The following SETX variants were observed in gnomAD, a reference collection of about 807,000 sequenced individuals.
The protein encoded by SETX is helicase senataxin.
SETX carries 90 observed loss-of-function variants against 227.2 expected under a neutral mutation model. The ratio of observed to expected loss-of-function variants is 0.40; its 90% confidence interval spans 0.33 to 0.47. The LOEUF is 0.47. Among genes scored for constraint, SETX ranks in the 20% least tolerant of loss-of-function variants. The probability of loss-of-function intolerance (pLI) is 0.91; values close to 1 mark genes in which losing one functional copy is unlikely to be tolerated. For missense variants in SETX, 3,052 were observed against 3,181.5 expected, an observed-to-expected ratio of 0.96 and a Z score of 0.98; for synonymous variants, 1,210 against 1,113.2, an observed-to-expected ratio of 1.09 and a Z score of -1.73.
chr9:132,269,672 G>A lies in SETX; in HGVS notation c.7230C>T (p.Val2410=), dbSNP rs1271815487. 2 of 1,614,080 alleles carry A rather than the reference G, an allele frequency of 1.2e-6. No individual in the cohort carries two copies. Among genetic ancestry groups the A allele is most frequent in the Non-Finnish European group, 1.7e-6 (2 of 1,180,026 alleles). ...GGCTGTACTTGGCTCGTGTGATGGTGACATTCAATCTCTGCAAACTTGCCA... is the reference window on the plus strand; with the variant it reads ...GGCTGTACTTGGCTCGTGTGATGGTAACATTCAATCTCTGCAAACTTGCCA... ...GFLASLQRLN[V]TITRAKYSLF... Residue 2410 remains valine, a synonymous_variant, in exon 25 of 26, where the codon GTC becomes GTT. Coordinates refer to ENST00000224140, the MANE Select transcript of SETX (RefSeq NM_015046.7).
At chr9:132,291,579 A>G (rs886587920) in intron 15 of SETX, among the ~76,000 whole-genome samples, 4 of 152,168 alleles carry the variant, frequency 2.6e-5, no homozygotes, top group African/African-American at 9.7e-5. Flanking sequence ...GATATCCTTT[A>G]CACTGCTGGG....
intron 11 of SETX, 122 bp from the exon 12 acceptor site, chr9:132,300,925 G>A: frequency 1.3e-6 from 1 of 752,416 alleles, no homozygotes; most frequent in Non-Finnish European, 2.1e-6. Context: ...AAAGGACTCT[G>A]CATATACTTT....
chr9:132,331,150 A>G lies in SETX; in HGVS notation c.1011-11T>C. On this transcript the variant is annotated splice_polypyrimidine_tract_variant and intron_variant, in intron 8 of 25. Coordinates refer to ENST00000224140, the MANE Select transcript of SETX (RefSeq NM_015046.7). The stretch of plus-strand genomic sequence containing the variant: ...GGTTCTAACTTGGTCCTTAAATATT[A>G]AGAATAAATAGAAATTACTGAAACG... 3 of 1,611,194 alleles carry G rather than the reference A, an allele frequency of 1.9e-6. No individual in the cohort carries two copies. The highest frequency in any genetic ancestry group is 2.5e-6 in the Non-Finnish European group (3 of 1,177,524).
chr9:132,348,371 A>AAC (rs1554825823), intron 3 of SETX, among the ~76,000 whole-genome samples: 2 of 22,362 alleles, frequency 8.9e-5, no homozygotes, highest in Non-Finnish European at 1.9e-4. Context: ...TCAAAAAAAA[A>AAC]ACAAAACAAA....
At chr9:132,273,495 G>A (rs944203513) in intron 23 of SETX, among the ~76,000 whole-genome samples, 3 of 152,178 alleles carry the variant, frequency 2.0e-5, no homozygotes, top group Non-Finnish European at 4.4e-5. Flanking sequence ...TTTCAACAAC[G>A]TTTTGCAGTT....
rs377114184 is a variant in SETX at position 132,273,202 on chromosome 9, G to A, written c.7101-1394C>T. On this transcript the variant is annotated intron_variant, in intron 23 of 25. Transcript: ENST00000224140. ...TTTGAGATGGAATTTCGCTCTCGTC[G>A]CCCAGGCTGGAGTGCAATGGAGTGA... is the stretch of plus-strand genomic sequence containing the variant. 6.6e-5 allele frequency among the ~76,000 whole-genome samples: 10 copies of A among 151,736 alleles called. No homozygotes were observed. The East Asian group carries it at 1.2e-3, about 18-fold the overall frequency.
chr9:132,342,855 C>T, intron 4 of SETX, 56 bp from the exon 5 acceptor site: 1 of 1,246,304 alleles, frequency 8.0e-7, no homozygotes, highest in South Asian at 1.2e-5. Context: ...TCAAGATTCC[C>T]TAAATTAGGC....
At chr9:132,292,669 A>G (rs11243715) in intron 15 of SETX, among the ~76,000 whole-genome samples, 9,174 of 138,190 alleles carry the variant, frequency 0.066, 439 homozygotes, top group East Asian at 0.26. Context: ...TCGCTCTGTC[A>G]CCCAGGCTGG....
chr9:132,317,715 T>C (rs1024372294), intron 10 of SETX, among the ~76,000 whole-genome samples: 1 of 152,118 alleles, frequency 6.6e-6, no homozygotes, highest in Non-Finnish European at 1.5e-5. Flanking sequence ...CTCTGGCCTC[T>C]GCCTCCCAAA....
intron 5 of SETX, among the ~76,000 whole-genome samples, 169 bp downstream of exon 5, chr9:132,342,521 C>G (rs999258753): frequency 6.6e-6 from 1 of 152,178 alleles, no homozygotes; most frequent in Non-Finnish European, 1.5e-5. Context: ...CCTCTGAGAT[C>G]CCCTCTTCTT....
At position 132,326,617 on chromosome 9, in the gene SETX, G is replaced by A; in HGVS notation, c.4981C>T (p.Pro1661Ser). 2 of 1,614,104 alleles carry A rather than the reference G, an allele frequency of 1.2e-6. No individual in the cohort carries two copies. The highest frequency in any genetic ancestry group is 1.7e-6 in the Non-Finnish European group (2 of 1,179,986). The change falls in exon 10 of 26, where the codon CCT (proline) becomes TCT (serine). Residue 1661 changes from proline (P) to serine (S), a missense_variant. By Grantham distance (74) the Pro-to-Ser change is moderately conservative. Transcript: ENST00000224140. ...CTGTTGGAATTATTCGGAGACTGAGGATGAAGAACATTGCACGAATTCTTC... is the reference window on the plus strand; with the variant it reads ...CTGTTGGAATTATTCGGAGACTGAGAATGAAGAACATTGCACGAATTCTTC... The part of the protein sequence containing the change: ...EMKNSCNVLH[P>S]QSPNNSNRQG...
At chr9:132,352,042 A>G (rs1198398537) in intron 2 of SETX, among the ~76,000 whole-genome samples, 2 of 152,238 alleles carry the variant, frequency 1.3e-5, no homozygotes, top group Non-Finnish European at 2.9e-5. Flanking sequence ...ACTTCAAATA[A>G]CAATCTCTTT....
chr9:132,333,739 AT>A (rs1847414934), intron 7 of SETX, among the ~76,000 whole-genome samples: 1 of 152,130 alleles, frequency 6.6e-6, no homozygotes, highest in South Asian at 2.1e-4. Context: ...TTTAGGCCTC[AT>A]TATCTAGACT....
At chr9:132,289,915 A>T (rs1844188841) in intron 15 of SETX, among the ~76,000 whole-genome samples, 1 of 152,104 alleles carries the variant, frequency 6.6e-6, no homozygotes, top group South Asian at 2.1e-4. Flanking sequence ...GGTTTTTTAA[A>T]ATCTTTTTTC....
chr9:132,321,010 A>T (rs1462590595), intron 10 of SETX, among the ~76,000 whole-genome samples: 1 of 151,822 alleles, frequency 6.6e-6, no homozygotes, highest in Non-Finnish European at 1.5e-5. Flanking sequence ...TTGTCTCTAG[A>T]GAGGATAAGC....
intron 11 of SETX, 75 bp downstream of exon 11, chr9:132,311,682 T>C: frequency 9.2e-7 from 1 of 1,091,646 alleles, no homozygotes; most frequent in Non-Finnish European, 1.4e-6. Flanking sequence ...TAAATTCAAA[T>C]AATGCTATCT....
chr9:132,336,515 C>T lies in SETX; in HGVS notation c.499G>A (p.Val167Ile), dbSNP rs1215274689. The T allele has an allele frequency of 6.2e-7, 1 of 1,603,482 alleles. No individual in the cohort carries two copies. Among genetic ancestry groups the T allele is most frequent in the African/African-American group, 1.3e-5 (1 of 74,672 alleles). ...GCAGTCAAGATAGCCCAACGCCGAA[C>T]CTAAATGCAGAATATATTTATTACT... ...YLFLVHPNEM[V>I]RRWAILTARN... Residue 167 changes from valine (V) to isoleucine (I), a missense_variant and splice_region_variant, in exon 6 of 26, where the codon GTT becomes ATT. Coordinates refer to ENST00000224140, the MANE Select transcript of SETX (RefSeq NM_015046.7).
chr9:132,265,045 T>C lies in SETX; in HGVS notation c.7288-60A>G, dbSNP rs76392709. The C allele has an allele frequency of 8.3e-3, 13,109 of 1,585,310 alleles. 979 individuals are homozygous for C. In the African/African-American group the frequency reaches 0.15, roughly 19 times the overall value. ...CCAAAGAGACACTGCTTGGGAAGCA[T>C]AGAGTTCCAGCTTTCATTTCTGAAC... On this transcript the variant is annotated intron_variant, in intron 25 of 25. Coordinates refer to ENST00000224140, the MANE Select transcript of SETX (RefSeq NM_015046.7).
intron 10 of SETX, among the ~76,000 whole-genome samples, chr9:132,313,827 TAA>T (rs35370496): frequency 1.4e-5 from 2 of 144,430 alleles, no homozygotes; most frequent in African/African-American, 2.5e-5. Flanking sequence ...TCAGCTGCTG[TAA>T]AAAAAAAAAC....
Sources: gnomAD v4.1 joint callset for allele counts (sites outside exome capture counted in the v4.1 genomes callset) on GRCh38, gnomAD v4.1.1 for gene constraint, MANE v1.5 for transcripts, NCBI Gene and HGNC (gene_info 2026-07-23, HGNC 2026-07-21) for gene names.